SACS: variants seen among roughly 807,000 people sequenced by gnomAD.
SACS encodes the protein sacsin.
In SACS, 197 loss-of-function variants were observed where a neutral mutation model predicts 348.0. The ratio of observed to expected loss-of-function variants is 0.57; its 90% CI spans 0.50 to 0.64. SACS has a LOEUF of 0.64. Among genes scored for constraint, SACS ranks in the 30% least tolerant of loss-of-function variants. SACS has a pLI of 0.00. For synonymous variants in SACS, 1,985 were observed against 1,910.6 expected (o/e 1.04, Z -1.02); for missense variants, 4,999 against 5,360.8 (o/e 0.93, Z 2.11).
At chr13:23,417,782 T>C (rs951184676) in intron 1 of SACS, among the ~76,000 whole-genome samples, 3 of 151,950 alleles carry the variant, frequency 2.0e-5, no homozygotes, top group Non-Finnish European at 4.4e-5. Context: ...AAAATCAAAC[T>C]ACAAGGCCGG....
intron 2 of SACS, chr13:23,375,555 G>C (rs1209496125): frequency 1.9e-6 from 2 of 1,055,776 alleles, no homozygotes; most frequent in African/African-American, 3.4e-5. Flanking sequence ...CGGGGGCGGG[G>C]ACTGCGCGCT....
Position 23,354,832 on chromosome 13 carries a change from G to A in SACS, c.1780C>T (p.Leu594Phe). 1 of 1,614,210 alleles carries A rather than the reference G, an allele frequency of 6.2e-7. No homozygotes were observed. The highest frequency in any genetic ancestry group is 8.5e-7 in the Non-Finnish European group (1 of 1,180,034). Residue 594 changes from leucine (L) to phenylalanine (F), a missense_variant, in exon 8 of 10, where the codon CTC becomes TTC. Leu to Phe is a conservative substitution (Grantham distance 22). Transcript: ENST00000382292. ...LEYTKTVLNY[L>F]QSSGKQIAKV... is the part of the protein sequence containing the mutation. ...GCAATCTGCTTCCCTGAGCTCTGGAGGTAGTTGAGCACAGTTTTTGTGTAT... is the reference window on the plus strand; with the variant it reads ...GCAATCTGCTTCCCTGAGCTCTGGAAGTAGTTGAGCACAGTTTTTGTGTAT...
Position 23,340,571 on chromosome 13 carries a change from T to A in SACS, c.3305A>T (p.Asp1102Val), listed in dbSNP as rs1209249078. ...AATTTTTTTTGCCACTTGCACAACA[T>A]CCTTTTCTTTGAGACTGGCTTCGTT... is the stretch of plus-strand genomic sequence containing the variant. ...LKNEASLKEKDVVQVAKKIEA... is the reference protein window; with the variant it reads ...LKNEASLKEKVVVQVAKKIEA... Residue 1102 changes from aspartate (D) to valine (V), a missense_variant, in exon 10 of 10, where the codon GAT becomes GTT. Asp to Val is a radical substitution (Grantham distance 152, BLOSUM62 -3). Coordinates refer to ENST00000382292, the MANE Select transcript of SACS (RefSeq NM_014363.6). 2 of 1,613,680 alleles carry A rather than the reference T, an allele frequency of 1.2e-6. No individual in the cohort carries two copies. Among genetic ancestry groups the A allele is most frequent in the South Asian group, 2.2e-5 (2 of 90,958 alleles).
chr13:23,359,603 G>A (rs1404967477), intron 6 of SACS, among the ~76,000 whole-genome samples: 1 of 151,938 alleles, frequency 6.6e-6, no homozygotes. Flanking sequence ...AATATTTTTG[G>A]AACTCCATTT....
At chr13:23,367,924 A>C (rs1348903232) in intron 5 of SACS, among the ~76,000 whole-genome samples, 2 of 152,240 alleles carry the variant, frequency 1.3e-5, no homozygotes, top group Non-Finnish European at 2.9e-5. Context: ...CAAACTAAAA[A>C]AACATATTAC....
At position 23,334,528 on chromosome 13, in the gene SACS, C is replaced by T; in HGVS notation, c.9348G>A (p.Lys3116=). 6.2e-7 allele frequency: 1 copy of T among 1,613,434 alleles called. No individual in the cohort carries two copies. Among genetic ancestry groups the T allele is most frequent in the Non-Finnish European group, 8.5e-7 (1 of 1,179,744 alleles). ...SSPDTNCHIG[K]LPCRLQQTNL... ...TAGTCTGCTGCAGACGACAAGGCAG[C>T]TTCCCAATATGGCAATTAGTGTCAG... Residue 3116 remains lysine, a synonymous_variant, in exon 10 of 10, where the codon AAG becomes AAA. Transcript: ENST00000382292.
chr13:23,339,264 T>C lies in SACS; in HGVS notation c.4612A>G (p.Ile1538Val), dbSNP rs544249449. ...TTTAAAGATTCTCCTAACCTAGTTA[T>C]GTTCACAAAATCTGAATCTGAGAAT... The part of the protein sequence containing the change: ...SQFSDSDFVN[I>V]TRLGESLKRG... Residue 1538 changes from isoleucine (I) to valine (V), a missense_variant, in exon 10 of 10, where the codon ATA becomes GTA. Physicochemically the swap from Ile to Val is conservative, Grantham distance 29 (BLOSUM62 3). Transcript: ENST00000382292. The C allele has an allele frequency of 5.6e-6, 9 of 1,603,492 alleles. No homozygotes were observed. The Admixed American group carries it at 1.0e-4, about 18-fold the overall frequency.
chr13:23,420,213 A>T (rs2137991452), intron 1 of SACS, among the ~76,000 whole-genome samples: 1 of 151,852 alleles, frequency 6.6e-6, no homozygotes, highest in East Asian at 1.9e-4. Flanking sequence ...TTCATCTTGG[A>T]CTTGGTGTTT....
At chr13:23,401,610 C>CAAAAAA (rs1278285972) in intron 2 of SACS, among the ~76,000 whole-genome samples, 2 of 152,220 alleles carry the variant, frequency 1.3e-5, no homozygotes, top group Non-Finnish European at 2.9e-5. Flanking sequence ...AGACCTGTCT[C>CAAAAAA]AAATTTTGGA....
Position 23,358,478 on chromosome 13 carries a change from G to A in SACS, c.461C>T (p.Pro154Leu). 1.2e-6 allele frequency: 2 copies of A among 1,614,050 alleles called. No homozygotes were observed. The highest frequency in any genetic ancestry group is 1.7e-6 in the Non-Finnish European group (2 of 1,180,018). Residue 154 changes from proline to leucine, a missense_variant, in exon 7 of 10, where the codon CCA becomes CTA. Coordinates refer to ENST00000382292, the MANE Select transcript of SACS (RefSeq NM_014363.6). ...WSKDMAPYQG[P>L]ALYVYNNAVF... is the part of the protein sequence containing the mutation. Reference sequence around the variant, plus strand: ...CGCGTTGTTGTACACATAGAGAGCTGGCCCTAGGTGTGAAAATGCGCAGGC... The same window carrying A: ...CGCGTTGTTGTACACATAGAGAGCTAGCCCTAGGTGTGAAAATGCGCAGGC...
rs753607639 is a variant in SACS, at chr13:23,335,520, C to G, written c.8356G>C (p.Asp2786His). 89 of 1,613,570 alleles carry G rather than the reference C, an allele frequency of 5.5e-5. No individual in the cohort carries two copies. Among genetic ancestry groups the G allele is most frequent in the Non-Finnish European group, 7.5e-5 (88 of 1,179,904 alleles). The part of the protein sequence containing the change: ...KRKQFHASVI[D>H]SVTKKRQLKD... ...AGCTGCCTCTTTTTAGTAACACTAT[C>G]AATTACAGATGCATGAAATTGTTTC... is the stretch of plus-strand genomic sequence containing the variant. Residue 2786 changes from aspartate (D) to histidine (H), a missense_variant, in exon 10 of 10, where the codon GAT becomes CAT. By Grantham distance (81) the Asp-to-His change is moderately conservative. Around this residue, in one of 6 missense-constraint regions of SACS, gnomAD observed 3,156 missense variants for 3,380.1 expected, o/e 0.93. Transcript: ENST00000382292. The surrounding 1 kb of genome is among the most constrained non-coding windows in gnomAD (Gnocchi z 4.7).
intron 6 of SACS, among the ~76,000 whole-genome samples, chr13:23,360,748 A>G (rs1870679317): frequency 8.4e-6 from 1 of 118,772 alleles, no homozygotes; most frequent in Non-Finnish European, 1.7e-5. Flanking sequence ...CCCACTCTCC[A>G]AGGTACTTTT....
Position 23,334,180 on chromosome 13 carries a change from T to A in SACS, c.9696A>T (p.Thr3232=), listed in dbSNP as rs1301795803. 1 of 1,613,916 alleles carries A rather than the reference T, an allele frequency of 6.2e-7. No individual in the cohort carries two copies. Among genetic ancestry groups the A allele is most frequent in the Non-Finnish European group, 8.5e-7 (1 of 1,179,826 alleles). The change falls in exon 10 of 10, where the codon ACA becomes ACT. Residue 3232 remains threonine, a synonymous_variant. Coordinates refer to ENST00000382292, the MANE Select transcript of SACS (RefSeq NM_014363.6). ...CACTTGCAAAATTGTCTTTCCACTT[T>A]GTGCAACTTTTGGTCTTATATTCTC... ...LPREYKTKSC[T]KWKDNFASES...
chr13:23,429,346 T>TTTG, intron 1 of SACS, among the ~76,000 whole-genome samples: 1 of 34,262 alleles, frequency 2.9e-5, no homozygotes, highest in African/African-American at 2.1e-4. Context: ...GAGGTAGGGA[T>TTTG]TTTTTTTTTT....
In SACS at chr13:23,337,043, A is replaced by G. The variant is rs79291029; in HGVS notation, c.6833T>C (p.Val2278Ala). ...FRGCGSVSLA[V>A]KEFLGLLKKP... ...CTTGAGTAATCCCAAAAACTCTTTA[A>G]CAGCCAATGACACTGAACCACAACC... is the stretch of plus-strand genomic sequence containing the variant. Residue 2278 changes from valine (V) to alanine (A), a missense_variant, in exon 10 of 10, where the codon GTT (valine) becomes GCT (alanine). Coordinates refer to ENST00000382292, the MANE Select transcript of SACS (RefSeq NM_014363.6). The G allele has an allele frequency of 1.2e-6, 2 of 1,613,304 alleles. No individual in the cohort carries two copies. Among genetic ancestry groups the G allele is most frequent in the Non-Finnish European group, 1.7e-6 (2 of 1,179,824 alleles).
intron 3 of SACS, among the ~76,000 whole-genome samples, chr13:23,371,853 G>A (rs189205939): frequency 6.6e-6 from 1 of 152,300 alleles, no homozygotes; most frequent in East Asian, 1.9e-4. Flanking sequence ...AATACAGGCT[G>A]GGGAGAAGAT....
At chr13:23,406,821 C>T (rs1158115632) in intron 2 of SACS, among the ~76,000 whole-genome samples, 2 of 152,112 alleles carry the variant, frequency 1.3e-5, no homozygotes, top group African/African-American at 4.8e-5. Context: ...TCAATGAAAA[C>T]AATCTTACTT....
At position 23,334,073 on chromosome 13, in the gene SACS, A is replaced by G. The variant is rs760141411; in HGVS notation, c.9803T>C (p.Phe3268Ser). Residue 3268 changes from phenylalanine to serine, a missense_variant, in exon 10 of 10, where the codon TTT (phenylalanine) becomes TCT (serine). Coordinates refer to ENST00000382292, the MANE Select transcript of SACS (RefSeq NM_014363.6). ...KEDQEETKPT[F>S]DIVVDTLKDW... Reference sequence around the variant, plus strand: ...TTTTAGAGTATCAACAACAATGTCAAATGTTGGTTTTGTTTCTTCCTGATC... The same window carrying G: ...TTTTAGAGTATCAACAACAATGTCAGATGTTGGTTTTGTTTCTTCCTGATC... 3.1e-6 allele frequency: 5 copies of G among 1,613,724 alleles called. No homozygotes were observed. The highest frequency in any genetic ancestry group is 4.2e-6 in the Non-Finnish European group (5 of 1,179,740).
At chr13:23,360,521 G>T (rs1870664181) in intron 6 of SACS, among the ~76,000 whole-genome samples, 1 of 152,020 alleles carries the variant, frequency 6.6e-6, no homozygotes. Flanking sequence ...TTTTCAGCAG[G>T]GGATACACGC....
Sources: allele counts gnomAD v4.1 joint callset (sites outside exome capture counted in the v4.1 genomes callset), GRCh38; gene constraint gnomAD v4.1.1; regional missense constraint gnomAD v4.1.1; non-coding constraint Gnocchi (gnomAD v3.1); transcripts MANE v1.5; gene names NCBI Gene and HGNC (gene_info 2026-07-23, HGNC 2026-07-21).